The following MAPK6 variants were observed in gnomAD, a reference collection of about 807,000 sequenced individuals.
The protein encoded by MAPK6 is mitogen-activated protein kinase 6.
Under a neutral mutation model 59.3 loss-of-function variants are expected in MAPK6, and 19 were observed. The ratio of observed to expected loss-of-function variants is 0.32; its 90% CI spans 0.22 to 0.47. The LOEUF is 0.47. Among genes scored for constraint, MAPK6 ranks in the 20% least tolerant of loss-of-function variants. MAPK6 has a pLI of 1.00. For missense variants in MAPK6, 724 were observed against 847.9 expected (o/e 0.85, Z 1.81); for synonymous variants, 316 against 290.3 (o/e 1.09, Z -0.90).
chr15:51,997,466 C>T (rs2057227990), intron 2 of MAPK6, among the ~76,000 whole-genome samples: 1 of 151,708 alleles, frequency 6.6e-6, no homozygotes, highest in African/African-American at 2.4e-5. Context: ...CCACATTGGC[C>T]AGGCTGGTCT....
rs994320164 is a variant in MAPK6 at position 51,999,621 on chromosome 15, G to C, written c.-769-4644G>C. On this transcript the variant is annotated intron_variant, in intron 2 of 7. Coordinates refer to the MAPK6 transcript ENST00000691380. Reference sequence around the variant, plus strand: ...TTTTTAAGGTTTCCTTTTTATTTTAGTTTCCCTCTTTTTATTTATTTATGT... The same window carrying C: ...TTTTTAAGGTTTCCTTTTTATTTTACTTTCCCTCTTTTTATTTATTTATGT... 2.6e-5 allele frequency among the ~76,000 whole-genome samples: 4 copies of C among 151,798 alleles called. No homozygotes were observed. The South Asian group carries it at 8.3e-4, about 32-fold the overall frequency.
chr15:52,049,758 G>A (rs1254688881), intron 2 of MAPK6, among the ~76,000 whole-genome samples: 1 of 151,944 alleles, frequency 6.6e-6, no homozygotes, highest in Non-Finnish European at 1.5e-5. Context: ...GGGTTTACAG[G>A]CATGCACCAC....
chr15:52,061,057 T>C (rs1304781212), intron 4 of MAPK6, among the ~76,000 whole-genome samples: 1 of 152,186 alleles, frequency 6.6e-6, no homozygotes, highest in Non-Finnish European at 1.5e-5. Flanking sequence ...GAAAATCGTT[T>C]TTAAGTTGTA....
Position 52,064,929 on chromosome 15 carries a change from CCTT to C in MAPK6, c.2098_2100del (p.Ser700del), listed in dbSNP as rs753515398. ...TAAGTCAATACAGGCCACATTAACACCTTCTGCTATGAAATCTTCCCCTCAAAT... is the reference window on the plus strand; with the variant it reads ...TAAGTCAATACAGGCCACATTAACACCTGCTATGAAATCTTCCCCTCAAAT... On this transcript the variant is annotated inframe_deletion, in exon 6 of 6. Transcript: ENST00000261845. The C allele has an allele frequency of 2.4e-5, 38 of 1,611,786 alleles. No homozygotes were observed. The highest frequency in any genetic ancestry group is 5.3e-5 in the African/African-American group (4 of 74,852).
At chr15:52,005,807 C>A (rs889595031) in intron 3 of MAPK6, among the ~76,000 whole-genome samples, 7 of 152,146 alleles carry the variant, frequency 4.6e-5, no homozygotes, top group African/African-American at 1.7e-4. Flanking sequence ...CCTAGGTCTG[C>A]TGACTACCGT....
intron 3 of MAPK6, among the ~76,000 whole-genome samples, chr15:52,009,381 G>A (rs370017442): frequency 5.9e-4 from 90 of 152,296 alleles, no homozygotes; most frequent in Non-Finnish European, 7.2e-4. Context: ...TCTCTTCAAG[G>A]TATTGGGCCT....
At chr15:51,980,858 T>C (rs993193671) in intron 1 of MAPK6, among the ~76,000 whole-genome samples, 5 of 151,354 alleles carry the variant, frequency 3.3e-5, no homozygotes, top group East Asian at 1.9e-4. Flanking sequence ...TCCCAGAGTG[T>C]TGGGATTACA....
rs142704242 is a variant in MAPK6, at chr15:52,064,162, C to G, written c.1328C>G (p.Thr443Ser). The change falls in exon 6 of 6, where the codon ACT becomes AGT. Residue 443 changes from threonine (T) to serine (S), a missense_variant. Physicochemically the swap from Thr to Ser is moderately conservative, Grantham distance 58. This residue lies in a region of MAPK6 where 502 missense variants were observed against 507.6 expected (regional missense o/e 0.99). Coordinates refer to ENST00000261845, the MANE Select transcript of MAPK6 (RefSeq NM_002748.4). The part of the protein sequence containing the change: ...NKYCDLECSH[T>S]CNYKTRSSSY... ...TATTGTGATCTGGAGTGTAGCCATACTTGTAACTACAAAACGAGGTCATCA... is the reference window on the plus strand; with the variant it reads ...TATTGTGATCTGGAGTGTAGCCATAGTTGTAACTACAAAACGAGGTCATCA... The G allele has an allele frequency of 8.1e-6, 13 of 1,613,066 alleles. No homozygotes were observed. The highest frequency in any genetic ancestry group is 9.3e-6 in the Non-Finnish European group (11 of 1,179,702).
rs536770163 is a variant in MAPK6, at chr15:51,972,896, C to T, written c.-880+990C>T. Among the ~76,000 whole-genome samples the T allele has an allele frequency of 9.2e-5, 14 of 151,790 alleles. No individual in the cohort carries two copies. In the East Asian group the frequency reaches 2.5e-3, roughly 27 times the overall value. On this transcript the variant is annotated intron_variant, in intron 1 of 7. Coordinates refer to the MAPK6 transcript ENST00000691380. ...TGATGGCATGCATTTGTAGCCCTAG[C>T]TACTCAGGAAACTGAGAATGGAGGA...
At chr15:52,043,728 A>G (rs2031501888) in intron 1 of MAPK6, among the ~76,000 whole-genome samples, 1 of 134,942 alleles carries the variant, frequency 7.4e-6, no homozygotes, top group African/African-American at 2.7e-5. Flanking sequence ...GATATGTTGG[A>G]CTTAAGTTGT....
chr15:52,022,966 G>C (rs932785997), intron 1 of MAPK6, among the ~76,000 whole-genome samples: 1 of 151,992 alleles, frequency 6.6e-6, no homozygotes, highest in Non-Finnish European at 1.5e-5. Flanking sequence ...AATTAGCTGG[G>C]TGTGGTGGCA....
Position 52,047,035 on chromosome 15 carries a change from T to A in MAPK6, c.555+20T>A, listed in dbSNP as rs374066365. 12 of 1,504,048 alleles carry A rather than the reference T, an allele frequency of 8.0e-6. No individual in the cohort carries two copies. The highest frequency in any genetic ancestry group is 1.8e-4 in the Middle Eastern group (1 of 5,604). 93.2% of individuals were successfully genotyped at this position (1,504,048 alleles called of 1,614,324 possible). A position where few individuals can be genotyped will look rare whatever the true frequency, so the allele number is the denominator to read the frequency against. Reference sequence around the variant, plus strand: ...CATAAGGTATGTATAGAAAGCCAGCTGAGACAGATCTTTAAACTGATACAC... The same window carrying A: ...CATAAGGTATGTATAGAAAGCCAGCAGAGACAGATCTTTAAACTGATACAC... On this transcript the variant is annotated intron_variant, in intron 2 of 5. Transcript: ENST00000261845.
rs147430876 is a variant in MAPK6 at position 51,978,793 on chromosome 15, A to G, written c.-879-4413A>G. Among the ~76,000 whole-genome samples, 39 of 152,004 alleles carry G rather than the reference A, an allele frequency of 2.6e-4. 1 individual carries two copies. Among genetic ancestry groups the G allele is most frequent in the African/African-American group, 8.7e-4 (36 of 41,562 alleles). Reference sequence around the variant, plus strand: ...CATTTTCACAACAACCCTATAACATAGATTACATTACATTCCTCCCATTTT... The same window carrying G: ...CATTTTCACAACAACCCTATAACATGGATTACATTACATTCCTCCCATTTT... On this transcript the variant is annotated intron_variant, in intron 1 of 7. Transcript: ENST00000691380.
chr15:52,066,979 T>G lies in MAPK6; in HGVS notation c.*1979T>G, dbSNP rs1038864272. 1.3e-5 allele frequency: 2 copies of G among 152,140 alleles called. No homozygotes were observed. Among genetic ancestry groups the G allele is most frequent in the Non-Finnish European group, 2.9e-5 (2 of 68,022 alleles). 9.4% of individuals were successfully genotyped at this position (152,140 alleles called of 1,614,324 possible). A position where few individuals can be genotyped will look rare whatever the true frequency, so the allele number is the denominator to read the frequency against. ...ACAAGTGCAGAGGCTTTGAGTGTCATGAGAGCATCAGACAGGATGTAAAGG... is the reference window on the plus strand; with the variant it reads ...ACAAGTGCAGAGGCTTTGAGTGTCAGGAGAGCATCAGACAGGATGTAAAGG... On this transcript the variant is annotated 3_prime_UTR_variant, in exon 6 of 6. Coordinates refer to ENST00000261845, the MANE Select transcript of MAPK6 (RefSeq NM_002748.4).
At chr15:52,063,794 ATTATCCCCTCAT>A (rs1203369278) in intron 5 of MAPK6, 96 bp from the exon 6 acceptor site, 1 of 886,898 alleles carries the variant, frequency 1.1e-6, no homozygotes, top group Non-Finnish European at 1.6e-6. Flanking sequence ...CTCTCCTATA[ATTATCCCCTCAT>A]AGACCTAGCA....
chr15:52,023,694 C>T (rs2030636481), intron 1 of MAPK6, among the ~76,000 whole-genome samples: 3 of 152,266 alleles, frequency 2.0e-5, no homozygotes, highest in African/African-American at 7.2e-5. Context: ...TCACTGCAAC[C>T]TCCACCTCCT....
chr15:52,060,835 T>A (rs1480133988), intron 4 of MAPK6, among the ~76,000 whole-genome samples: 1 of 152,206 alleles, frequency 6.6e-6, no homozygotes, highest in Admixed American at 6.5e-5. Context: ...GGGCTTTTAT[T>A]ACATACCAGA....
upstream of MAPK6, among the ~76,000 whole-genome samples, chr15:52,016,059 C>CGT (rs1222788936): frequency 1.8e-4 from 11 of 62,592 alleles, no homozygotes; most frequent in Non-Finnish European, 3.0e-4. Context: ...CCATCGCGCG[C>CGT]GCGCGCGCGC....
Position 52,065,523 on chromosome 15 carries a change from T to C in MAPK6, c.*523T>C, listed in dbSNP as rs1030417442. On this transcript the variant is annotated 3_prime_UTR_variant, in exon 6 of 6. Coordinates refer to ENST00000261845, the MANE Select transcript of MAPK6 (RefSeq NM_002748.4). The stretch of plus-strand genomic sequence containing the variant: ...TAACAAGAGTATGTGGCAAAACATA[T>C]ACCACCCATAGTGCTTCACAAAATG... 2 of 152,832 alleles carry C rather than the reference T, an allele frequency of 1.3e-5. No homozygotes were observed. The highest frequency in any genetic ancestry group is 2.4e-5 in the African/African-American group (1 of 41,456). 9.5% of individuals were successfully genotyped at this position (152,832 alleles called of 1,614,324 possible).
Sources: allele counts gnomAD v4.1 joint callset (sites outside exome capture counted in the v4.1 genomes callset), GRCh38; gene constraint gnomAD v4.1.1; regional missense constraint gnomAD v4.1.1; transcripts MANE v1.5; gene names NCBI Gene and HGNC (gene_info 2026-07-23, HGNC 2026-07-21).